The following ADCY9 variants were observed in gnomAD, a reference collection of about 807,000 sequenced individuals.
ADCY9 encodes adenylate cyclase type 9.
ADCY9 carries 50 observed loss-of-function variants against 101.5 expected under a neutral mutation model. The ratio of observed to expected loss-of-function variants is 0.49; its 90% confidence interval spans 0.39 to 0.62. The LOEUF (loss-of-function observed/expected upper bound fraction) is 0.62, where lower values mean the gene tolerates loss of function less well. ADCY9 is among the 20% of genes least tolerant of loss of function. The pLI is 0.00. For missense variants in ADCY9, 1,662 were observed against 1,800.4 expected, an observed-to-expected ratio of 0.92 and a Z score of 1.39; for synonymous variants, 905 against 769.3, an observed-to-expected ratio of 1.18 and a Z score of -2.92.
intron 2 of ADCY9, among the ~76,000 whole-genome samples, chr16:4,031,255 T>C (rs2056553328): frequency 6.6e-6 from 1 of 152,232 alleles, no homozygotes; most frequent in South Asian, 2.1e-4. Flanking sequence ...TCATAGGAGA[T>C]ACATGCTGAA....
At chr16:4,074,539 A>T (rs1054106708) in intron 2 of ADCY9, among the ~76,000 whole-genome samples, 8 of 151,210 alleles carry the variant, frequency 5.3e-5, no homozygotes, top group Admixed American at 1.3e-4. Context: ...CGCAAAAAAA[A>T]AAAAACAAAA....
intron 2 of ADCY9, among the ~76,000 whole-genome samples, chr16:4,013,288 C>G (rs1391392267): frequency 4.0e-5 from 6 of 151,666 alleles, no homozygotes; most frequent in Admixed American, 3.9e-4. Context: ...GGCGTGGCGG[C>G]ACACGCCTGT....
chr16:3,964,772 A>G lies in ADCY9; in HGVS notation c.*1003T>C, dbSNP rs1215989637. On this transcript the variant is annotated 3_prime_UTR_variant, in exon 11 of 11. Coordinates refer to ENST00000294016, the MANE Select transcript of ADCY9 (RefSeq NM_001116.4). ...AGGTTGGGGGCGGCCCCAGGTGGCCAAAACACAAAAGAGACATCTGGTTAC... is the reference window on the plus strand; with the variant it reads ...AGGTTGGGGGCGGCCCCAGGTGGCCGAAACACAAAAGAGACATCTGGTTAC... The G allele has an allele frequency of 6.6e-6, 1 of 152,466 alleles. No individual in the cohort carries two copies. Among genetic ancestry groups the G allele is most frequent in the Non-Finnish European group, 1.5e-5 (1 of 68,252 alleles). The allele number at this position is 152,466 out of a possible 1,614,324, so 9.4% of individuals were successfully genotyped here.
Position 4,057,612 on chromosome 16 carries a change from G to C in ADCY9, c.1694-50054C>G, listed in dbSNP as rs2056748508. On this transcript the variant is annotated intron_variant, in intron 2 of 10. Coordinates refer to ENST00000294016, the MANE Select transcript of ADCY9 (RefSeq NM_001116.4). ...GAAATGCTTGGCTCCTACAGTGGTT[G>C]ACGAATACCAAAGCTTCTGTGAGCA... Among the ~76,000 whole-genome samples the C allele has an allele frequency of 2.0e-5, 3 of 152,310 alleles. 1 individual carries two copies. The South Asian group carries it at 6.2e-4, about 32-fold the overall frequency.
intron 2 of ADCY9, among the ~76,000 whole-genome samples, chr16:4,087,512 G>A (rs1172371163): frequency 6.7e-6 from 1 of 149,706 alleles, no homozygotes; most frequent in East Asian, 2.0e-4. Flanking sequence ...CTCCAGCCTG[G>A]GCAACAGAGC....
At chr16:4,097,728 A>G (rs446805) in intron 2 of ADCY9, among the ~76,000 whole-genome samples, 150,298 of 150,298 alleles carry the variant, frequency 1, 75,149 homozygotes, top group Non-Finnish European at 1. Context: ...TGTATTTTTA[A>G]TAGAGATGGC....
At position 4,115,099 on chromosome 16, in the gene ADCY9, C is replaced by A. The variant is rs762058083; in HGVS notation, c.344G>T (p.Arg115Leu). Residue 115 changes from arginine to leucine, a missense_variant, in exon 2 of 11, where the codon CGG (arginine) becomes CTG (leucine). Arg to Leu is a moderately radical substitution (Grantham distance 102, BLOSUM62 -2). Transcript: ENST00000294016. This position sits in a 1 kb window ranked among gnomAD's most constrained non-coding sequence, Gnocchi z 6.2. ...GATGTAGAAGAGCGCATACCGGAAC[C>A]GGCGCTGGGTCTGCGGGAAGCAGCG... ...LERCFPQTQR[R>L]FRYALFYIGF... 1.9e-5 allele frequency: 31 copies of A among 1,613,922 alleles called. No homozygotes were observed. Among genetic ancestry groups the A allele is most frequent in the Non-Finnish European group, 2.5e-5 (30 of 1,180,038 alleles).
intron 2 of ADCY9, among the ~76,000 whole-genome samples, chr16:4,043,088 G>C (rs567031587): frequency 6.6e-6 from 1 of 152,018 alleles, no homozygotes; most frequent in African/African-American, 2.4e-5. Flanking sequence ...AAAATTAGCC[G>C]GGCGTGGTGG....
At chr16:4,057,654 C>A (rs746597618) in intron 2 of ADCY9, among the ~76,000 whole-genome samples, 26 of 152,236 alleles carry the variant, frequency 1.7e-4, no homozygotes, top group Non-Finnish European at 2.9e-4. Context: ...AGGGCCCCCA[C>A]AAAGCTCTCT....
downstream of ADCY9, among the ~76,000 whole-genome samples, chr16:3,961,440 CCT>C (rs985072419): frequency 4.7e-5 from 7 of 149,708 alleles, no homozygotes; most frequent in African/African-American, 1.7e-4. Flanking sequence ...AAAATGAGAC[CCT>C]GTCTCCAAAA....
chr16:4,101,250 CAGGA>C (rs892349921), intron 2 of ADCY9, among the ~76,000 whole-genome samples: 7 of 151,006 alleles, frequency 4.6e-5, no homozygotes, highest in Admixed American at 1.3e-4. Flanking sequence ...GTAATACAGT[CAGGA>C]AGTCTAGTAC....
intron 2 of ADCY9, among the ~76,000 whole-genome samples, chr16:4,055,727 G>T (rs2056733550): frequency 6.6e-6 from 1 of 152,160 alleles, no homozygotes; most frequent in African/African-American, 2.4e-5. Context: ...CCAGCTACTT[G>T]GGAGGCTGAG....
chr16:4,025,939 T>C (rs2141747115), intron 2 of ADCY9, among the ~76,000 whole-genome samples: 2 of 152,278 alleles, frequency 1.3e-5, no homozygotes, highest in Middle Eastern at 3.4e-3. Context: ...ATCTTCCAGA[T>C]GACAGTGCTA....
At chr16:4,102,503 G>A (rs906635096) in intron 2 of ADCY9, among the ~76,000 whole-genome samples, 1 of 152,126 alleles carries the variant, frequency 6.6e-6, no homozygotes, top group African/African-American at 2.4e-5. Flanking sequence ...TCAGCTCACC[G>A]CAACCTCCGC....
chr16:4,083,426 A>G (rs111716503), intron 2 of ADCY9, among the ~76,000 whole-genome samples: 3 of 152,342 alleles, frequency 2.0e-5, no homozygotes, highest in Admixed American at 1.3e-4. Context: ...AAAATGGCAT[A>G]GCCACTTTAA....
intron 2 of ADCY9, among the ~76,000 whole-genome samples, chr16:4,111,356 T>G (rs2057112829): frequency 6.6e-6 from 1 of 152,192 alleles, no homozygotes; most frequent in Admixed American, 6.6e-5. Flanking sequence ...CAGCCTCGGC[T>G]CACTACAACC....
intron 6 of ADCY9, chr16:3,984,125 G>C (rs1419360664): frequency 6.6e-6 from 1 of 152,226 alleles, no homozygotes; most frequent in African/African-American, 2.4e-5. Context: ...AACTGATTAT[G>C]ACCCAGCACA....
At chr16:4,020,585 G>A (rs147537008) in intron 2 of ADCY9, among the ~76,000 whole-genome samples, 1,697 of 152,252 alleles carry the variant, frequency 0.011, 24 homozygotes, top group African/African-American at 0.039. Context: ...ACTTTGAGAG[G>A]CTGAGGCGGG....
At chr16:4,050,108 C>T (rs563271325) in intron 2 of ADCY9, among the ~76,000 whole-genome samples, 1 of 151,862 alleles carries the variant, frequency 6.6e-6, no homozygotes, top group East Asian at 1.9e-4. Flanking sequence ...CTGCCATGTT[C>T]CTGGGCCAGG....
Sources: allele counts gnomAD v4.1 joint callset (sites outside exome capture counted in the v4.1 genomes callset), GRCh38; gene constraint gnomAD v4.1.1; non-coding constraint Gnocchi (gnomAD v3.1); transcripts MANE v1.5; gene names NCBI Gene and HGNC (gene_info 2026-07-23, HGNC 2026-07-21).